Variants in GABRA2 observed in about 807,000 individuals in gnomAD.
The protein encoded by GABRA2 is gamma-aminobutyric acid type A receptor subunit alpha2, also known as gamma-aminobutyric acid receptor subunit alpha-2.
Under a neutral mutation model 48.7 loss-of-function variants are expected in GABRA2, and 16 were observed. The observed-to-expected ratio is 0.33, with a 90% confidence interval of 0.22 to 0.50. GABRA2 has a LOEUF of 0.50. Ranked by LOEUF, GABRA2 falls within the 20% of genes least tolerant of loss-of-function variation. The pLI, the probability that GABRA2 is intolerant of heterozygous loss-of-function variation, is 0.98. For synonymous variants in GABRA2, 185 were observed against 184.5 expected, an observed-to-expected ratio of 1.00 and a Z score of -0.02; for missense variants, 275 against 535.6, an observed-to-expected ratio of 0.51 and a Z score of 4.80.
intron 3 of GABRA2, among the ~76,000 whole-genome samples, chr4:46,377,552 T>G (rs1444548658): frequency 2.7e-5 from 4 of 149,528 alleles, no homozygotes; most frequent in African/African-American, 9.9e-5. Context: ...CCACCCCGTC[T>G]GGGAAGTGAG....
intron 3 of GABRA2, among the ~76,000 whole-genome samples, chr4:46,347,995 A>G (rs1419669840): frequency 2.6e-5 from 4 of 151,978 alleles, no homozygotes; most frequent in Admixed American, 1.3e-4. Flanking sequence ...GCAACCTACG[A>G]AATGGGAGAA....
At chr4:46,273,445 G>GTC (rs10686716) in intron 8 of GABRA2, among the ~76,000 whole-genome samples, 1 of 136,970 alleles carries the variant, frequency 7.3e-6, no homozygotes, top group African/African-American at 2.8e-5. Context: ...TATTTAGACA[G>GTC]TCTCTCTATA....
At chr4:46,275,023 A>G (rs1720211196) in intron 8 of GABRA2, among the ~76,000 whole-genome samples, 1 of 152,102 alleles carries the variant, frequency 6.6e-6, no homozygotes, top group African/African-American at 2.4e-5. Context: ...ATTTTAGTTA[A>G]TTCATTTCCC....
chr4:46,250,244 G>A lies in GABRA2; in HGVS notation c.*64C>T. On this transcript the variant is annotated 3_prime_UTR_variant, in exon 10 of 10. Coordinates refer to ENST00000381620, the MANE Select transcript of GABRA2 (RefSeq NM_000807.4). ...CAAATTAGCAGTTATTAGTCAGACT[G>A]TACATAGCAAAACAAACCAAATTTA... 1.5e-6 allele frequency: 2 copies of A among 1,362,374 alleles called. No homozygotes were observed. The highest frequency in any genetic ancestry group is 1.3e-5 in the South Asian group (1 of 75,740). The allele number at this position is 1,362,374 out of a possible 1,614,324, so 84.4% of individuals were successfully genotyped here.
At chr4:46,275,908 A>G (rs1045256607) in intron 8 of GABRA2, among the ~76,000 whole-genome samples, 1 of 152,118 alleles carries the variant, frequency 6.6e-6, no homozygotes, top group African/African-American at 2.4e-5. Flanking sequence ...TTTATTATTT[A>G]TTTGGGAGTT....
chr4:46,369,492 A>G (rs1714555210), intron 3 of GABRA2, among the ~76,000 whole-genome samples: 1 of 152,158 alleles, frequency 6.6e-6, no homozygotes, highest in South Asian at 2.1e-4. Flanking sequence ...ATGGATATTT[A>G]GTTCTTGCAG....
At chr4:46,369,543 C>T (rs535825185) in intron 3 of GABRA2, among the ~76,000 whole-genome samples, 8 of 106,650 alleles carry the variant, frequency 7.5e-5, no homozygotes, top group African/African-American at 3.4e-4. Context: ...AAGAGAACTA[C>T]AGGCTGAAAA....
intron 3 of GABRA2, among the ~76,000 whole-genome samples, chr4:46,385,239 T>TAA (rs1396239919): frequency 1.3e-5 from 2 of 151,688 alleles, no homozygotes; most frequent in Non-Finnish European, 2.9e-5. Flanking sequence ...GTTAACTACA[T>TAA]AAATCTTGTA....
At chr4:46,318,449 G>A (rs182350790) in intron 4 of GABRA2, among the ~76,000 whole-genome samples, 1 of 151,532 alleles carries the variant, frequency 6.6e-6, no homozygotes, top group African/African-American at 2.4e-5. Context: ...TCTTTGCATA[G>A]CCACTAAGTA....
At chr4:46,276,956 T>C (rs1720627953) in intron 8 of GABRA2, among the ~76,000 whole-genome samples, 1 of 152,162 alleles carries the variant, frequency 6.6e-6, no homozygotes, top group African/African-American at 2.4e-5. Context: ...CCTTCTCTCA[T>C]GACTTAAATG....
At chr4:46,330,452 G>T (rs203654) in intron 4 of GABRA2, among the ~76,000 whole-genome samples, 62,308 of 151,090 alleles carry the variant, frequency 0.41, 13,267 homozygotes, top group East Asian at 0.56. Flanking sequence ...GGAAAACAAA[G>T]GTCTGTGTAC....
chr4:46,282,996 A>G (rs151234945), intron 8 of GABRA2, among the ~76,000 whole-genome samples: 56 of 152,304 alleles, frequency 3.7e-4, no homozygotes, highest in Non-Finnish European at 6.8e-4. Flanking sequence ...TGGTAGTAAA[A>G]AGGCCAGGTT....
At chr4:46,304,619 A>G (rs1726321845) in intron 7 of GABRA2, among the ~76,000 whole-genome samples, 1 of 152,048 alleles carries the variant, frequency 6.6e-6, no homozygotes. Flanking sequence ...GGGTGAAAAA[A>G]TAGAAAACTA....
At chr4:46,263,593 C>G (rs1717494610) in intron 8 of GABRA2, among the ~76,000 whole-genome samples, 1 of 152,098 alleles carries the variant, frequency 6.6e-6, no homozygotes, top group Non-Finnish European at 1.5e-5. Flanking sequence ...ATATACATAT[C>G]TATCCTTAGT....
intron 3 of GABRA2, among the ~76,000 whole-genome samples, chr4:46,340,774 T>C (rs1275130023): frequency 6.6e-6 from 1 of 152,022 alleles, no homozygotes; most frequent in Non-Finnish European, 1.5e-5. Flanking sequence ...CAGAATAATG[T>C]TTCTCACCAA....
chr4:46,285,702 A>G (rs1451207496), intron 8 of GABRA2, among the ~76,000 whole-genome samples: 1 of 151,922 alleles, frequency 6.6e-6, no homozygotes, highest in Non-Finnish European at 1.5e-5. Context: ...TGTTTTTATT[A>G]CTATATAACT....
At chr4:46,330,207 C>T (rs929635326) in intron 4 of GABRA2, among the ~76,000 whole-genome samples, 8 of 151,810 alleles carry the variant, frequency 5.3e-5, no homozygotes, top group Non-Finnish European at 8.8e-5. Flanking sequence ...TAGAATCCCC[C>T]CAAATAAGAA....
At chr4:46,388,039 C>T (rs1186006518) in intron 2 of GABRA2, among the ~76,000 whole-genome samples, 1 of 151,986 alleles carries the variant, frequency 6.6e-6, no homozygotes, top group Admixed American at 6.5e-5. Flanking sequence ...TATTTTAAAT[C>T]AGTACTCCTG....
At chr4:46,314,125 C>T (rs1356814109) in intron 4 of GABRA2, among the ~76,000 whole-genome samples, 1 of 151,980 alleles carries the variant, frequency 6.6e-6, no homozygotes, top group African/African-American at 2.4e-5. Context: ...TAACTCTAAA[C>T]ATTAAATGGA....
Sources: allele counts gnomAD v4.1 joint callset (sites outside exome capture counted in the v4.1 genomes callset), GRCh38; gene constraint gnomAD v4.1.1; transcripts MANE v1.5; gene names NCBI Gene and HGNC (gene_info 2026-07-23, HGNC 2026-07-21).